Variants in PICALM observed in about 807,000 individuals in gnomAD.
PICALM encodes phosphatidylinositol-binding clathrin assembly protein.
Under a neutral mutation model 80.5 loss-of-function variants are expected in PICALM, and 40 were observed. The ratio of observed to expected loss-of-function variants is 0.50; its 90% CI spans 0.39 to 0.65. The LOEUF is 0.65. PICALM is among the 30% of genes least tolerant of loss of function. The pLI is 0.00. For synonymous variants in PICALM, 288 were observed against 260.3 expected (o/e 1.11, Z -1.02); for missense variants, 676 against 778.9 (o/e 0.87, Z 1.57).
In PICALM at chr11:86,028,747, T is replaced by C. The variant is rs1374110248; in HGVS notation, c.274-2380A>G. Among the ~76,000 whole-genome samples the C allele has an allele frequency of 4.6e-5, 7 of 152,182 alleles. No homozygotes were observed. In the South Asian group the frequency reaches 1.0e-3, roughly 23 times the overall value. ...CCTTACCTTTTGAGATTTTTCTCTG[T>C]GGCCAGGTTTCTCAACCTGAGTACT... On this transcript the variant is annotated intron_variant, in intron 2 of 19. Coordinates refer to ENST00000393346, the MANE Select transcript of PICALM (RefSeq NM_007166.4).
intron 19 of PICALM, among the ~76,000 whole-genome samples, chr11:85,972,988 T>G (rs1293500210): frequency 6.6e-6 from 1 of 152,186 alleles, no homozygotes; most frequent in Non-Finnish European, 1.5e-5. Flanking sequence ...ACACTCATAG[T>G]CTATTTTATA....
intron 9 of PICALM, among the ~76,000 whole-genome samples, chr11:86,003,144 A>C (rs556530442): frequency 8.5e-5 from 13 of 152,244 alleles, no homozygotes; most frequent in Non-Finnish European, 1.5e-4. Flanking sequence ...ATCTTAACAG[A>C]TGCTGACATT....
At position 86,058,470 on chromosome 11, in the gene PICALM, T is replaced by G. The variant is rs375105813; in HGVS notation, c.130+10181A>C. On this transcript the variant is annotated intron_variant, in intron 1 of 19. Coordinates refer to ENST00000393346, the MANE Select transcript of PICALM (RefSeq NM_007166.4). The stretch of plus-strand genomic sequence containing the variant: ...TTGATTAAGACTTGGGTCCCTAGGA[T>G]GCTTTCAAGTAATAAGTTCATGGCT... Among the ~76,000 whole-genome samples, 13 of 152,218 alleles carry G rather than the reference T, an allele frequency of 8.5e-5. No homozygotes were observed. In the East Asian group the frequency reaches 9.6e-4, roughly 11 times the overall value.
In PICALM at chr11:86,011,070, G is replaced by C. The variant is rs755044261; in HGVS notation, c.725C>G (p.Thr242Ser). Residue 242 changes from threonine (T) to serine (S), a missense_variant, in exon 7 of 20, where the codon ACT becomes AGT. Coordinates refer to ENST00000393346, the MANE Select transcript of PICALM (RefSeq NM_007166.4). ...EGLDIYKKFLTRMTRISEFLK... is the reference protein window; with the variant it reads ...EGLDIYKKFLSRMTRISEFLK... The stretch of plus-strand genomic sequence containing the variant: ...GAACTCTGAGATTCTTGTCATCCTA[G>C]TTAGGAACTTCTTATAGATGTCAAG... The C allele has an allele frequency of 6.4e-7, 1 of 1,558,350 alleles. No individual in the cohort carries two copies. The highest frequency in any genetic ancestry group is 1.2e-5 in the South Asian group (1 of 86,530).
intron 8 of PICALM, chr11:86,003,755 C>T (rs909864022): frequency 5.1e-6 from 1 of 197,262 alleles, no homozygotes; most frequent in Non-Finnish European, 1.0e-5. Context: ...CTCCTAAAAG[C>T]TCGACATACT....
intron 19 of PICALM, among the ~76,000 whole-genome samples, chr11:85,961,073 A>C (rs1037709925): frequency 6.4e-5 from 8 of 125,172 alleles, no homozygotes; most frequent in Non-Finnish European, 1.1e-4. Flanking sequence ...TAAGAATTTT[A>C]ATGTGTGTAT....
At chr11:85,982,658 A>G (rs2094476864) in intron 14 of PICALM, among the ~76,000 whole-genome samples, 1 of 147,116 alleles carries the variant, frequency 6.8e-6, no homozygotes, top group African/African-American at 2.5e-5. Context: ...CGATCTCCTG[A>G]CCTCATGATC....
At chr11:86,030,141 GAT>G (rs1565475447) in intron 2 of PICALM, among the ~76,000 whole-genome samples, 1 of 152,146 alleles carries the variant, frequency 6.6e-6, no homozygotes, top group Non-Finnish European at 1.5e-5. Flanking sequence ...TGGCAATGCT[GAT>G]AGTGTAATAT....
chr11:86,018,044 A>G (rs1306105496), intron 4 of PICALM, among the ~76,000 whole-genome samples: 1 of 152,204 alleles, frequency 6.6e-6, no homozygotes, highest in Non-Finnish European at 1.5e-5. Flanking sequence ...TTAAAGTAAT[A>G]TTATTTTTTA....
At chr11:86,044,092 T>A (rs925734483) in intron 1 of PICALM, among the ~76,000 whole-genome samples, 2 of 152,212 alleles carry the variant, frequency 1.3e-5, no homozygotes, top group African/African-American at 4.8e-5. Context: ...TATACAATAG[T>A]GGACAAAGTT....
At chr11:86,038,778 GAAA>G (rs1186856161) in intron 1 of PICALM, among the ~76,000 whole-genome samples, 1 of 129,566 alleles carries the variant, frequency 7.7e-6, no homozygotes, top group Admixed American at 7.8e-5. Flanking sequence ...CTCCATCTCA[GAAA>G]AAAAAAAAAG....
chr11:85,998,584 A>G (rs2095050439), intron 11 of PICALM, among the ~76,000 whole-genome samples: 1 of 151,946 alleles, frequency 6.6e-6, no homozygotes, highest in South Asian at 2.1e-4. Flanking sequence ...CTTGAGTTCA[A>G]AAGTTCAAGA....
At chr11:85,977,936 C>G in intron 17 of PICALM, 1 of 729,064 alleles carries the variant, frequency 1.4e-6, no homozygotes, top group South Asian at 1.6e-5. Flanking sequence ...TCAGTAGATG[C>G]TAGGAAGAAT....
intron 1 of PICALM, among the ~76,000 whole-genome samples, chr11:86,038,251 C>T (rs2095877772): frequency 6.6e-6 from 1 of 151,696 alleles, no homozygotes; most frequent in African/African-American, 2.4e-5. Flanking sequence ...ACCCAGGAGG[C>T]GGAGGTAAAA....
chr11:85,984,345 A>G (rs1202104206), intron 13 of PICALM, among the ~76,000 whole-genome samples: 1 of 152,172 alleles, frequency 6.6e-6, no homozygotes, highest in Non-Finnish European at 1.5e-5. Flanking sequence ...GAATGCAGTA[A>G]GAATTCTGTG....
intron 3 of PICALM, among the ~76,000 whole-genome samples, chr11:86,025,170 G>A (rs2136597593): frequency 6.6e-6 from 1 of 152,282 alleles, no homozygotes; most frequent in East Asian, 1.9e-4. Context: ...GGGAGGCCGA[G>A]GCAAGCAGAT....
intron 1 of PICALM, among the ~76,000 whole-genome samples, chr11:86,061,251 C>G (rs1332854448): frequency 1.3e-5 from 2 of 150,186 alleles, no homozygotes; most frequent in Non-Finnish European, 3.0e-5. Flanking sequence ...ATCACTTGAA[C>G]CCCTGGGAGA....
intron 14 of PICALM, chr11:85,982,215 ATC>A (rs756736145): frequency 7.6e-5 from 38 of 500,496 alleles, no homozygotes; most frequent in Non-Finnish European, 1.2e-4. Flanking sequence ...GACAGAAATC[ATC>A]TCTTATCTCA....
At chr11:86,068,421 G>A (rs567740165) in intron 1 of PICALM, among the ~76,000 whole-genome samples, 1 of 152,124 alleles carries the variant, frequency 6.6e-6, no homozygotes, top group Non-Finnish European at 1.5e-5. Context: ...GGGTCCCCTA[G>A]GAATAGGGAG....
Sources: allele counts gnomAD v4.1 joint callset (sites outside exome capture counted in the v4.1 genomes callset), GRCh38; gene constraint gnomAD v4.1.1; transcripts MANE v1.5; gene names NCBI Gene and HGNC (gene_info 2026-07-23, HGNC 2026-07-21).